Variants in MRPL20 observed in about 807,000 individuals in gnomAD.
MRPL20 encodes mitochondrial ribosomal protein L20.
Under a neutral mutation model 20.0 loss-of-function variants are expected in MRPL20, and 21 were observed. The observed-to-expected ratio is 1.05, with a 90% CI of 0.74 to 1.51. The LOEUF (loss-of-function observed/expected upper bound fraction) is 1.51. MRPL20 is among the 40% of genes most tolerant of loss of function. MRPL20 has a pLI of 0.00. For synonymous variants in MRPL20, 104 were observed against 73.0 expected, an observed-to-expected ratio of 1.43 and a Z score of -2.17; for missense variants, 252 against 185.6, an observed-to-expected ratio of 1.36 and a Z score of -2.08.
At chr1:1,403,134 A>G (rs963622806) in intron 3 of MRPL20, among the ~76,000 whole-genome samples, 3 of 151,984 alleles carry the variant, frequency 2.0e-5, no homozygotes, top group Non-Finnish European at 4.4e-5. Flanking sequence ...ATCCAAAAAA[A>G]AAAAGGAACA....
At chr1:1,403,828 A>G (rs1645356334) in intron 3 of MRPL20, among the ~76,000 whole-genome samples, 1 of 152,058 alleles carries the variant, frequency 6.6e-6, no homozygotes, top group Non-Finnish European at 1.5e-5. Context: ...GTCATCAGAA[A>G]TCACTCATTA....
intron 3 of MRPL20, among the ~76,000 whole-genome samples, chr1:1,403,127 CAA>C (rs113198351): frequency 1.4e-5 from 2 of 138,434 alleles, no homozygotes; most frequent in Admixed American, 7.1e-5. Context: ...AGATTGTATC[CAA>C]AAAAAAAAAG....
At chr1:1,403,127 C>CAAAAAAAAA (rs113198351) in intron 3 of MRPL20, among the ~76,000 whole-genome samples, 64 of 138,462 alleles carry the variant, frequency 4.6e-4, no homozygotes, top group East Asian at 2.3e-3. Flanking sequence ...AGATTGTATC[C>CAAAAAAAAA]AAAAAAAAAA....
chr1:1,407,140 C>G lies in MRPL20; in HGVS notation c.78G>C (p.Lys26Asn), dbSNP rs1474310316. ...DRYFRIQEVL[K>N]HARHFRGRKN... ...GGCAGGCGGCACTCACCCTGGCGTG[C>G]TTCAGCACCTCCTGGATCCGAAAGT... Residue 26 changes from lysine to asparagine, a missense_variant, in exon 1 of 4, where the codon AAG (lysine) becomes AAC (asparagine). Transcript: ENST00000344843. 1.2e-6 allele frequency: 2 copies of G among 1,607,616 alleles called. No individual in the cohort carries two copies. The highest frequency in any genetic ancestry group is 1.7e-5 in the Admixed American group (1 of 59,190).
chr1:1,407,068 C>T, intron 1 of MRPL20, 49 bp from the exon 2 acceptor site: 2 of 1,609,092 alleles, frequency 1.2e-6, no homozygotes, highest in Non-Finnish European at 1.7e-6. Context: ...CCCGCGCCGG[C>T]CGCCCCTTGG....
At chr1:1,406,173 T>C (rs1012581201) in intron 2 of MRPL20, 1 of 343,116 alleles carries the variant, frequency 2.9e-6, no homozygotes, top group Non-Finnish European at 5.4e-6. Flanking sequence ...CTGACCAACA[T>C]GGCGGAACCC....
chr1:1,404,157 C>CTT (rs770147398), intron 3 of MRPL20, among the ~76,000 whole-genome samples: 2 of 145,558 alleles, frequency 1.4e-5, no homozygotes, highest in Non-Finnish European at 3.0e-5. Flanking sequence ...ATTGTTTTAA[C>CTT]TTTTTTTTTT....
At chr1:1,406,021 C>T in intron 2 of MRPL20, 135 bp from the exon 3 acceptor site, 1 of 1,288,262 alleles carries the variant, frequency 7.8e-7, no homozygotes, top group Non-Finnish European at 1.0e-6. Context: ...TGCCATCACT[C>T]TGGCCTAAGC....
rs753727719 is a variant in MRPL20, at chr1:1,405,717, T to G, written c.276+92A>C. The G allele has an allele frequency of 1.3e-5, 21 of 1,604,934 alleles. No individual in the cohort carries two copies. The Admixed American group carries it at 2.5e-4, about 19-fold the overall frequency. On this transcript the variant is annotated intron_variant, in intron 3 of 3. Transcript: ENST00000344843. ...GGATCCTCTGGCCTCAGCCTCCTGA[T>G]TAGCTGGGACTACAGGAAGCACCAC...
rs947758272 is a variant in MRPL20, at chr1:1,401,940, C to T, written c.*143G>A. On this transcript the variant is annotated 3_prime_UTR_variant, in exon 4 of 4. Transcript: ENST00000344843. The stretch of plus-strand genomic sequence containing the variant: ...GTGTTTGAGTTTCATTCACACAAAA[C>T]ATGGACATCATCTGTGAGGCTCTGT... 1 of 966,792 alleles carries T rather than the reference C, an allele frequency of 1.0e-6. No homozygotes were observed. 59.9% of individuals were successfully genotyped at this position (966,792 alleles called of 1,614,324 possible).
rs1645392743 is a variant in MRPL20, at chr1:1,407,119, G to A, written c.87+12C>T. On this transcript the variant is annotated intron_variant, in intron 1 of 3. Transcript: ENST00000344843. ...GGGCGCCCAGTGCCCAGGCCGGGCA[G>A]GCGGCACTCACCCTGGCGTGCTTCA... is the stretch of plus-strand genomic sequence containing the variant. The A allele has an allele frequency of 6.2e-7, 1 of 1,607,020 alleles. No individual in the cohort carries two copies. Among genetic ancestry groups the A allele is most frequent in the African/African-American group, 1.3e-5 (1 of 74,746 alleles).
Position 1,402,159 on chromosome 1 carries a change from T to G in MRPL20, c.374A>C (p.His125Pro), listed in dbSNP as rs147491797. ...SLAALASRRR[H>P]EGFAAALGDG... ...CCCCAAGGCAGCAGCAAATCCTTCG[T>G]GTCGCCTCCTACTGGCCAAGGCAGC... is the stretch of plus-strand genomic sequence containing the variant. The change falls in exon 4 of 4, where the codon CAC (histidine) becomes CCC (proline). Residue 125 changes from histidine (H) to proline (P), a missense_variant. Transcript: ENST00000344843. 6.2e-7 allele frequency: 1 copy of G among 1,614,026 alleles called. No individual in the cohort carries two copies. The highest frequency in any genetic ancestry group is 8.5e-7 in the Non-Finnish European group (1 of 1,180,022).
intron 3 of MRPL20, among the ~76,000 whole-genome samples, chr1:1,404,045 C>T (rs1226453650): frequency 6.6e-6 from 1 of 151,126 alleles, no homozygotes; most frequent in African/African-American, 2.4e-5. Context: ...TACCACATTG[C>T]CCAGGCTGCT....
At position 1,407,223 on chromosome 1, in the gene MRPL20, C is replaced by A. The variant is rs374445421; in HGVS notation, c.-6G>T. On this transcript the variant is annotated 5_prime_UTR_variant, in exon 1 of 4. It adds an upstream start codon to the 5' untranslated region. Coordinates refer to ENST00000344843, the MANE Select transcript of MRPL20 (RefSeq NM_017971.4). ...TGCGCGGTGAGGAAGACCATGGCGC[C>A]TGCAGGCCGGCGTCCCGAACACTCA... is the stretch of plus-strand genomic sequence containing the variant. The A allele has an allele frequency of 1.2e-5, 19 of 1,593,398 alleles. No homozygotes were observed. The highest frequency in any genetic ancestry group is 1.5e-5 in the Non-Finnish European group (18 of 1,170,416).
At chr1:1,406,632 G>A (rs1645386807) in intron 2 of MRPL20, 14 of 491,710 alleles carry the variant, frequency 2.8e-5, no homozygotes, top group South Asian at 2.5e-4. Context: ...CAGCGACTAG[G>A]GCGGTGGCTG....
chr1:1,405,486 G>T (rs35344710), intron 3 of MRPL20: 2 of 602,438 alleles, frequency 3.3e-6, no homozygotes, highest in Non-Finnish European at 5.9e-6. Context: ...ATGTTGCCCA[G>T]GCTGTTGCTG....
intron 3 of MRPL20, chr1:1,405,473 A>G: frequency 8.4e-6 from 5 of 598,266 alleles, no homozygotes; most frequent in Non-Finnish European, 1.5e-5. Flanking sequence ...GAGTGGTCTC[A>G]CTATGTTGCC....
At chr1:1,402,858 G>A (rs763683992) in intron 3 of MRPL20, among the ~76,000 whole-genome samples, 14 of 152,148 alleles carry the variant, frequency 9.2e-5, no homozygotes, top group Non-Finnish European at 1.8e-4. Context: ...GCCAGGCGCG[G>A]TGGCTCATGC....
rs1330251790 is a variant in MRPL20, at chr1:1,402,476, G to A, written c.277-220C>T. 7 of 1,310,608 alleles carry A rather than the reference G, an allele frequency of 5.3e-6. No homozygotes were observed. The Admixed American group carries it at 1.5e-4, about 28-fold the overall frequency. The allele number at this position is 1,310,608 out of a possible 1,614,324, so 81.2% of individuals were successfully genotyped here. A position where few individuals can be genotyped will look rare whatever the true frequency, so the allele number is the denominator to read the frequency against. ...GAGGGAAGCACCTGTGGAATCTGCA[G>A]GGAGGCTGGACTCCAGTCCTGATGT... On this transcript the variant is annotated intron_variant, in intron 3 of 3. Coordinates refer to ENST00000344843, the MANE Select transcript of MRPL20 (RefSeq NM_017971.4).
Sources: allele counts gnomAD v4.1 joint callset (sites outside exome capture counted in the v4.1 genomes callset), GRCh38; gene constraint gnomAD v4.1.1; transcripts MANE v1.5; gene names NCBI Gene and HGNC (gene_info 2026-07-23, HGNC 2026-07-21).